TSPAN5: variants seen among roughly 807,000 people sequenced by gnomAD.
The protein encoded by TSPAN5 is tetraspanin-5.
TSPAN5 carries 10 observed loss-of-function variants against 37.1 expected under a neutral mutation model. The ratio of observed to expected loss-of-function variants is 0.27; its 90% confidence interval spans 0.17 to 0.46. The LOEUF is 0.46. Among genes scored for constraint, TSPAN5 ranks in the 20% least tolerant of loss-of-function variants. TSPAN5 has a pLI of 1.00. For missense variants in TSPAN5, 195 were observed against 326.6 expected (o/e 0.60, Z 3.11); for synonymous variants, 110 against 118.9 (o/e 0.93, Z 0.48).
Position 98,658,387 on chromosome 4 carries a change from A to G in TSPAN5, c.-161T>C. On this transcript the variant is annotated 5_prime_UTR_variant, in exon 1 of 8. Transcript: ENST00000305798. ...GCCGCGCGGGGACCGACCGGCGGAG[A>G]GCGGCTCCCGCACCTCCAGCCCCTC... The G allele has an allele frequency of 2.1e-6, 1 of 470,990 alleles. No individual in the cohort carries two copies. The highest frequency in any genetic ancestry group is 3.6e-6 in the Non-Finnish European group (1 of 276,134). 29.2% of individuals were successfully genotyped at this position (470,990 alleles called of 1,614,324 possible).
At chr4:98,509,488 C>T (rs1370763878) in intron 1 of TSPAN5, among the ~76,000 whole-genome samples, 3 of 152,320 alleles carry the variant, frequency 2.0e-5, no homozygotes, top group Non-Finnish European at 4.4e-5. Context: ...GCTCTCGACA[C>T]TCATCTGACA....
intron 1 of TSPAN5, among the ~76,000 whole-genome samples, chr4:98,532,714 C>A (rs1754124341): frequency 6.6e-6 from 1 of 152,204 alleles, no homozygotes; most frequent in African/African-American, 2.4e-5. Context: ...CTGGCCAGAA[C>A]TTCCAATACT....
At chr4:98,486,713 T>G (rs376934870) in intron 3 of TSPAN5, 25 bp downstream of exon 3, 4 of 1,613,504 alleles carry the variant, frequency 2.5e-6, no homozygotes, top group African/African-American at 1.3e-5. Flanking sequence ...GCTCTCAATC[T>G]GAGAGTAGAG....
Position 98,472,297 on chromosome 4 carries a change from G to T in TSPAN5, c.*225C>A. ...AACTGTCCATAAATTCATGGCTACA[G>T]TAGAGATTCACGGCGCAACGACTTT... On this transcript the variant is annotated 3_prime_UTR_variant, in exon 8 of 8. Coordinates refer to ENST00000305798, the MANE Select transcript of TSPAN5 (RefSeq NM_005723.4). The T allele has an allele frequency of 2.3e-6, 1 of 435,202 alleles. No individual in the cohort carries two copies. 27.0% of individuals were successfully genotyped at this position (435,202 alleles called of 1,614,324 possible).
chr4:98,482,215 G>T, intron 3 of TSPAN5, 40 bp from the exon 4 acceptor site: 2 of 1,587,210 alleles, frequency 1.3e-6, no homozygotes, highest in Non-Finnish European at 1.7e-6. Context: ...AGTTATAAGG[G>T]CTATTTTGAT....
intron 1 of TSPAN5, among the ~76,000 whole-genome samples, chr4:98,523,726 A>C (rs1358429531): frequency 6.6e-6 from 1 of 152,242 alleles, no homozygotes; most frequent in Non-Finnish European, 1.5e-5. Flanking sequence ...GGCATAAGCC[A>C]CCGTGCCCAG....
chr4:98,531,794 T>C (rs1754097235), intron 1 of TSPAN5, among the ~76,000 whole-genome samples: 1 of 152,206 alleles, frequency 6.6e-6, no homozygotes, highest in South Asian at 2.1e-4. Context: ...GTGGTTTTGA[T>C]TTGTGGTCTA....
intron 2 of TSPAN5, among the ~76,000 whole-genome samples, chr4:98,487,807 T>C (rs533310501): frequency 1.5e-4 from 23 of 152,300 alleles, no homozygotes; most frequent in African/African-American, 4.8e-4. Flanking sequence ...CTCGAGTAAT[T>C]TCACTTTTCC....
intron 1 of TSPAN5, among the ~76,000 whole-genome samples, chr4:98,588,790 ATGT>A (rs1406760473): frequency 6.6e-6 from 1 of 152,238 alleles, no homozygotes; most frequent in Admixed American, 6.5e-5. Context: ...AAGACTTCAA[ATGT>A]TGTTTCTCTA....
chr4:98,510,966 T>G (rs1753592533), intron 1 of TSPAN5, among the ~76,000 whole-genome samples: 1 of 152,182 alleles, frequency 6.6e-6, no homozygotes, highest in Non-Finnish European at 1.5e-5. Context: ...ATGCAATACT[T>G]GAGGCACATT....
chr4:98,635,899 AG>A lies in TSPAN5; in HGVS notation c.81+22246del, dbSNP rs1441816336. ...ATATATAAAGACTGAACTGCTAAAT[AG>A]GGTCTCCCTAAATAATAGGGTAGGG... On this transcript the variant is annotated intron_variant, in intron 1 of 7. Transcript: ENST00000305798. 9.2e-5 allele frequency among the ~76,000 whole-genome samples: 14 copies of A among 152,360 alleles called. No individual in the cohort carries two copies. In the South Asian group the frequency reaches 2.9e-3, roughly 32 times the overall value.
chr4:98,634,558 T>G (rs181920321), intron 1 of TSPAN5, among the ~76,000 whole-genome samples: 1 of 152,368 alleles, frequency 6.6e-6, no homozygotes, highest in Admixed American at 6.5e-5. Flanking sequence ...ATAAAACACT[T>G]GCTGTAAGTC....
chr4:98,502,816 G>GT (rs747251708), intron 2 of TSPAN5, among the ~76,000 whole-genome samples: 22 of 151,840 alleles, frequency 1.4e-4, no homozygotes, highest in Non-Finnish European at 3.1e-4. Context: ...ATTGGGCTCT[G>GT]TCCTTGGCCT....
rs766494512 is a variant in TSPAN5 at position 98,485,762 on chromosome 4, C to CTTTTTTTTTTTTT, written c.279+963_279+975dup. Among the ~76,000 whole-genome samples the CTTTTTTTTTTTTT allele has an allele frequency of 9.9e-4, 86 of 86,586 alleles. 3 individuals are homozygous for CTTTTTTTTTTTTT. The highest frequency in any genetic ancestry group is 3.7e-3 in the African/African-American group (83 of 22,208). 56.8% of individuals were successfully genotyped at this position (86,586 alleles called of 152,430 possible). On this transcript the variant is annotated intron_variant, in intron 3 of 7. Coordinates refer to ENST00000305798, the MANE Select transcript of TSPAN5 (RefSeq NM_005723.4). ...ACTATTGGGCTACTTCTTGGATATGCTTTTTTTTTTTTTTTTTTTTTTTAA... is the reference window on the plus strand; with the variant it reads ...ACTATTGGGCTACTTCTTGGATATGCTTTTTTTTTTTTTTTTTTTTTTTTTTTTTTTTTTTTAA...
At chr4:98,477,004 G>T (rs1752717384) in intron 5 of TSPAN5, among the ~76,000 whole-genome samples, 1 of 152,230 alleles carries the variant, frequency 6.6e-6, no homozygotes, top group African/African-American at 2.4e-5. Context: ...CACTTTTTCG[G>T]GTTGTTTATT....
intron 1 of TSPAN5, among the ~76,000 whole-genome samples, chr4:98,584,252 T>C (rs1404228827): frequency 6.6e-6 from 1 of 152,188 alleles, no homozygotes; most frequent in African/African-American, 2.4e-5. Flanking sequence ...GAAATACTCT[T>C]ACTAAAATAA....
At chr4:98,584,945 C>T (rs765442699) in intron 1 of TSPAN5, among the ~76,000 whole-genome samples, 1 of 152,108 alleles carries the variant, frequency 6.6e-6, no homozygotes, top group Non-Finnish European at 1.5e-5. Flanking sequence ...ACACTGTGTC[C>T]TCCTTCCACC....
At chr4:98,498,803 C>T (rs1475045062) in intron 2 of TSPAN5, among the ~76,000 whole-genome samples, 3 of 152,208 alleles carry the variant, frequency 2.0e-5, no homozygotes, top group Non-Finnish European at 4.4e-5. Flanking sequence ...TGTGGGCTGC[C>T]TCCTGCCCTT....
intron 4 of TSPAN5, among the ~76,000 whole-genome samples, chr4:98,481,611 G>A (rs1752839693): frequency 6.6e-6 from 1 of 152,158 alleles, no homozygotes; most frequent in Non-Finnish European, 1.5e-5. Context: ...ATTATGAGCT[G>A]TGAAATATCA....
Sources: gnomAD v4.1 joint callset for allele counts (sites outside exome capture counted in the v4.1 genomes callset) on GRCh38, gnomAD v4.1.1 for gene constraint, MANE v1.5 for transcripts, NCBI Gene and HGNC (gene_info 2026-07-23, HGNC 2026-07-21) for gene names.